The following ADAM22 variants were observed in gnomAD, a reference collection of about 807,000 sequenced individuals.
The protein encoded by ADAM22 is ADAM metallopeptidase domain 22, also known as disintegrin and metalloproteinase domain-containing protein 22.
A neutral mutation model predicts 144.6 loss-of-function variants in ADAM22; 65 were observed. That is an observed-to-expected ratio of 0.45 (90% CI 0.37 to 0.55). The LOEUF (loss-of-function observed/expected upper bound fraction) is 0.55. ADAM22 is among the 20% of genes least tolerant of loss of function. The probability of loss-of-function intolerance (pLI) is 0.00; values close to 1 mark genes in which losing one functional copy is unlikely to be tolerated. For synonymous variants in ADAM22, 391 were observed against 412.6 expected (o/e 0.95, Z 0.63); for missense variants, 974 against 1,184.9 (o/e 0.82, Z 2.61).
intron 3 of ADAM22, among the ~76,000 whole-genome samples, chr7:88,048,600 G>A (rs1805335355): frequency 6.6e-6 from 1 of 152,018 alleles, no homozygotes; most frequent in South Asian, 2.1e-4. Flanking sequence ...TTGGCCATTT[G>A]TAGGCATTTT....
At chr7:88,196,409 A>G in intron 31 of ADAM22, 62 bp from the exon 32 acceptor site, 2 of 1,588,150 alleles carry the variant, frequency 1.3e-6, no homozygotes, top group Admixed American at 3.3e-5. Context: ...TTCATCTCCT[A>G]TTCAGAATAC....
chr7:88,150,353 C>A (rs149921122), intron 18 of ADAM22, among the ~76,000 whole-genome samples: 40 of 152,286 alleles, frequency 2.6e-4, no homozygotes, highest in African/African-American at 9.4e-4. Context: ...GACAAAGAGG[C>A]AACATAATTG....
chr7:88,139,751 TC>T (rs1834064634), intron 14 of ADAM22, among the ~76,000 whole-genome samples: 2 of 146,650 alleles, frequency 1.4e-5, no homozygotes, highest in Non-Finnish European at 3.0e-5. Context: ...GGAGGCTGTG[TC>T]AGGTTTTATA....
chr7:88,177,649 CGTGT>C (rs1225360818), intron 26 of ADAM22, among the ~76,000 whole-genome samples: 2 of 152,008 alleles, frequency 1.3e-5, no homozygotes, highest in African/African-American at 4.8e-5. Flanking sequence ...GATTCACAGA[CGTGT>C]GTAACTAAAT....
In ADAM22 at chr7:87,972,006, C is replaced by CA. The variant is rs200738461; in HGVS notation, c.247-6329dup. Among the ~76,000 whole-genome samples, 379 of 152,298 alleles carry CA rather than the reference C, an allele frequency of 2.5e-3. 1 individual carries two copies. Among genetic ancestry groups the CA allele is most frequent in the African/African-American group, 8.7e-3 (362 of 41,562 alleles). ...GAGATCGAGACCATCCTGGCTAACA[C>CA]AGTGAAACCCTGTCTCTACTCAGGG... On this transcript the variant is annotated intron_variant, in intron 2 of 31. Transcript: ENST00000413139.
intron 30 of ADAM22, among the ~76,000 whole-genome samples, chr7:88,191,372 A>G (rs1216673671): frequency 6.6e-6 from 1 of 152,268 alleles, no homozygotes; most frequent in Non-Finnish European, 1.5e-5. Flanking sequence ...AGCAGATTAA[A>G]AAGATGCCTT....
chr7:88,188,483 C>T (rs563314701), intron 30 of ADAM22, among the ~76,000 whole-genome samples: 1 of 152,234 alleles, frequency 6.6e-6, no homozygotes, highest in East Asian at 1.9e-4. Flanking sequence ...TTGGTTCCTA[C>T]AGTAGATAGT....
intron 2 of ADAM22, among the ~76,000 whole-genome samples, chr7:87,960,841 T>A (rs1486650955): frequency 6.6e-6 from 1 of 152,204 alleles, no homozygotes; most frequent in African/African-American, 2.4e-5. Context: ...TTTCCTGTGA[T>A]TTGATTTGTG....
chr7:88,021,559 G>A (rs904987439), intron 3 of ADAM22, among the ~76,000 whole-genome samples: 1 of 152,080 alleles, frequency 6.6e-6, no homozygotes, highest in African/African-American at 2.4e-5. Flanking sequence ...TTCTATTAGC[G>A]ATCTGGCTCA....
rs187440478 is a variant in ADAM22, at chr7:88,081,481, T to C, written c.390+5789T>C. 1.3e-3 allele frequency among the ~76,000 whole-genome samples: 198 copies of C among 152,306 alleles called. 4 individuals carry two copies. The highest frequency in any genetic ancestry group is 8.6e-3 in the Admixed American group (131 of 15,286). ...CTCCTATTCAACATAGTGTTGGAAG[T>C]TCTGGCTAGGGCAGTCAGGCAGGAG... On this transcript the variant is annotated intron_variant, in intron 4 of 31. Coordinates refer to ENST00000413139, the MANE Select transcript of ADAM22 (RefSeq NM_001324418.2).
At chr7:88,102,061 TA>T (rs1205968868) in intron 4 of ADAM22, among the ~76,000 whole-genome samples, 2 of 152,126 alleles carry the variant, frequency 1.3e-5, no homozygotes, top group East Asian at 3.8e-4. Context: ...TTCTCACTTG[TA>T]AAAGGGGGGA....
Position 88,081,136 on chromosome 7 carries a change from T to C in ADAM22, c.390+5444T>C, listed in dbSNP as rs557804238. On this transcript the variant is annotated intron_variant, in intron 4 of 31. Transcript: ENST00000413139. ...ATCCAGCAACACATCAAAAAACTTATCCACCGTGATCAAGTGGGCTTCATC... is the reference window on the plus strand; with the variant it reads ...ATCCAGCAACACATCAAAAAACTTACCCACCGTGATCAAGTGGGCTTCATC... Among the ~76,000 whole-genome samples, 119 of 152,184 alleles carry C rather than the reference T, an allele frequency of 7.8e-4. 1 individual carries two copies. Among genetic ancestry groups the C allele is most frequent in the African/African-American group, 2.6e-3 (109 of 41,524 alleles).
Position 88,149,292 on chromosome 7 carries a change from T to G in ADAM22, c.1566+235T>G, listed in dbSNP as rs143872443. 1.0e-3 allele frequency among the ~76,000 whole-genome samples: 152 copies of G among 152,334 alleles called. 4 individuals carry two copies. The East Asian group carries it at 0.027, about 27-fold the overall frequency. ...TGCGTGCATGCCTTAACTATTTTGT[T>G]TTTGTATTAAGTAGGTAGTACAAGG... On this transcript the variant is annotated intron_variant, in intron 18 of 31. Coordinates refer to ENST00000413139, the MANE Select transcript of ADAM22 (RefSeq NM_001324418.2).
intron 3 of ADAM22, among the ~76,000 whole-genome samples, chr7:88,059,596 C>G (rs61274421): frequency 0.03 from 4,492 of 152,130 alleles, 216 homozygotes; most frequent in African/African-American, 0.1. Context: ...CTCATAATAG[C>G]GAAAACATGG....
chr7:87,934,511 G>C lies in ADAM22; in HGVS notation c.46G>C (p.Val16Leu). 6.2e-7 allele frequency: 1 copy of C among 1,609,256 alleles called. No homozygotes were observed. ...AVSVPFLLLC[V>L]LGTCPPARCG... ...GTCCGTGCCCTTCTTGCTGCTCTGT[G>C]TCCTGGGGACCTGCCCTCCGGCGCG... The change falls in exon 1 of 32, where the codon GTC becomes CTC. Residue 16 changes from valine (V) to leucine (L), a missense_variant. Coordinates refer to ENST00000413139, the MANE Select transcript of ADAM22 (RefSeq NM_001324418.2).
chr7:88,157,871 G>A (rs1840414816), intron 22 of ADAM22, among the ~76,000 whole-genome samples: 6 of 152,114 alleles, frequency 3.9e-5, no homozygotes, highest in Admixed American at 3.9e-4. Flanking sequence ...TAAACTATAT[G>A]CATATGTAAT....
chr7:87,981,560 A>G (rs921174226), intron 3 of ADAM22, among the ~76,000 whole-genome samples: 5 of 152,122 alleles, frequency 3.3e-5, no homozygotes, highest in African/African-American at 9.7e-5. Flanking sequence ...AGAGGGAGAG[A>G]GAGAGAGAAG....
intron 4 of ADAM22, among the ~76,000 whole-genome samples, chr7:88,082,618 A>G (rs1307565686): frequency 1.3e-5 from 2 of 152,252 alleles, no homozygotes; most frequent in South Asian, 2.1e-4. Flanking sequence ...CAGAATCTAC[A>G]ATGTACTCAA....
intron 9 of ADAM22, among the ~76,000 whole-genome samples, chr7:88,129,634 G>A (rs113641822): frequency 1.3e-4 from 20 of 152,016 alleles, no homozygotes; most frequent in East Asian, 3.9e-4. Flanking sequence ...ATTTTAGATC[G>A]TCACAAATTC....
Sources: allele counts gnomAD v4.1 joint callset (sites outside exome capture counted in the v4.1 genomes callset), GRCh38; gene constraint gnomAD v4.1.1; transcripts MANE v1.5; gene names NCBI Gene and HGNC (gene_info 2026-07-23, HGNC 2026-07-21).